LRRTM4: variants seen among roughly 807,000 people sequenced by gnomAD.
LRRTM4 encodes leucine-rich repeat transmembrane neuronal protein 4.
LRRTM4 carries 25 observed loss-of-function variants against 47.6 expected under a neutral mutation model. The ratio of observed to expected loss-of-function variants is 0.53; its 90% CI spans 0.38 to 0.73. The LOEUF (loss-of-function observed/expected upper bound fraction) is 0.73, where lower values mean the gene tolerates loss of function less well. LRRTM4 is among the 30% of genes least tolerant of loss of function. The pLI, the probability that LRRTM4 is intolerant of heterozygous loss-of-function variation, is 0.00. For missense variants in LRRTM4, 638 were observed against 713.4 expected (o/e 0.89, Z 1.20); for synonymous variants, 311 against 269.5 (o/e 1.15, Z -1.51).
At chr2:77,450,569 A>G (rs1403952334) in intron 3 of LRRTM4, among the ~76,000 whole-genome samples, 3 of 152,190 alleles carry the variant, frequency 2.0e-5, no homozygotes, top group Admixed American at 2.0e-4. Flanking sequence ...ACACCTAAGA[A>G]TTTAATAGGA....
intron 3 of LRRTM4, among the ~76,000 whole-genome samples, chr2:77,489,719 T>A (rs563130489): frequency 6.6e-6 from 1 of 152,300 alleles, no homozygotes; most frequent in Non-Finnish European, 1.5e-5. Context: ...ACAAAACCCA[T>A]TATTACAAAA....
chr2:76,895,121 TC>T (rs1396628025), intron 3 of LRRTM4, among the ~76,000 whole-genome samples: 4 of 152,110 alleles, frequency 2.6e-5, no homozygotes, highest in African/African-American at 9.6e-5. Context: ...TAGGTATTCT[TC>T]CATTAAAAAT....
intron 3 of LRRTM4, among the ~76,000 whole-genome samples, chr2:77,450,832 T>C (rs1676227581): frequency 6.6e-6 from 1 of 152,142 alleles, no homozygotes; most frequent in East Asian, 1.9e-4. Flanking sequence ...ATCTATTTTA[T>C]ATATATATGT....
intron 3 of LRRTM4, among the ~76,000 whole-genome samples, chr2:77,348,296 T>C (rs1389037173): frequency 2.0e-5 from 3 of 151,706 alleles, no homozygotes; most frequent in Admixed American, 1.3e-4. Context: ...GTTTTCATAA[T>C]ACAATACAAT....
chr2:76,830,348 T>A (rs1671311618), intron 3 of LRRTM4, among the ~76,000 whole-genome samples: 1 of 152,102 alleles, frequency 6.6e-6, no homozygotes, highest in African/African-American at 2.4e-5. Flanking sequence ...TACACTTTTT[T>A]AATCTGGTTA....
chr2:76,919,781 C>G (rs1674376764), intron 3 of LRRTM4, among the ~76,000 whole-genome samples: 1 of 152,106 alleles, frequency 6.6e-6, no homozygotes, highest in South Asian at 2.1e-4. Context: ...CACATTATAG[C>G]ATACAAATAA....
chr2:77,295,346 TC>T (rs894846349), intron 3 of LRRTM4, among the ~76,000 whole-genome samples: 2 of 152,168 alleles, frequency 1.3e-5, no homozygotes, highest in African/African-American at 2.4e-5. Flanking sequence ...TTATAATATT[TC>T]TTACAAAGTT....
intron 3 of LRRTM4, among the ~76,000 whole-genome samples, chr2:77,119,200 C>T (rs1181813449): frequency 6.6e-6 from 1 of 151,878 alleles, no homozygotes; most frequent in Non-Finnish European, 1.5e-5. Context: ...CCCCCATCCC[C>T]ACTCTAACTT....
intron 3 of LRRTM4, among the ~76,000 whole-genome samples, chr2:77,408,601 C>A (rs924931048): frequency 6.6e-6 from 1 of 152,162 alleles, no homozygotes; most frequent in Non-Finnish European, 1.5e-5. Flanking sequence ...AACTGGACCA[C>A]TGACTGCTAT....
In LRRTM4 at chr2:77,404,770, T is replaced by C. The variant is rs148858790; in HGVS notation, c.1551+113548A>G. 9.7e-3 allele frequency among the ~76,000 whole-genome samples: 1,481 copies of C among 152,222 alleles called. 25 individuals carry two copies. The highest frequency in any genetic ancestry group is 0.033 in the African/African-American group (1,387 of 41,562). On this transcript the variant is annotated intron_variant, in intron 3 of 3. Transcript: ENST00000409884. ...TAAGCCATAGCCAGATTCAGTTAAC[T>C]CAACACATTATTTGATCCGCCTATA...
rs558771801 is a variant in LRRTM4, at chr2:77,172,612, T to A, written c.1551+345706A>T. On this transcript the variant is annotated intron_variant, in intron 3 of 3. Coordinates refer to ENST00000409884, the MANE Select transcript of LRRTM4 (RefSeq NM_001134745.3). ...CGTCTCAAAAACATAAAAAAAAAAATAAAAATAAATAAATAAAGTGCTAAA... is the reference window on the plus strand; with the variant it reads ...CGTCTCAAAAACATAAAAAAAAAAAAAAAAATAAATAAATAAAGTGCTAAA... Among the ~76,000 whole-genome samples, 1,355 of 150,754 alleles carry A rather than the reference T, an allele frequency of 9.0e-3. 13 individuals are homozygous for A. Among genetic ancestry groups the A allele is most frequent in the African/African-American group, 0.031 (1,255 of 40,524 alleles).
At chr2:77,042,037 T>C (rs1208126394) in intron 3 of LRRTM4, among the ~76,000 whole-genome samples, 1 of 151,436 alleles carries the variant, frequency 6.6e-6, no homozygotes, top group Non-Finnish European at 1.5e-5. Context: ...ATGCAATGTG[T>C]AATTCAATAT....
intron 3 of LRRTM4, among the ~76,000 whole-genome samples, chr2:76,894,245 A>G (rs1179657704): frequency 1.3e-5 from 2 of 152,054 alleles, no homozygotes; most frequent in Non-Finnish European, 2.9e-5. Context: ...GCATTCATGC[A>G]CATGCTAGAA....
intron 3 of LRRTM4, among the ~76,000 whole-genome samples, chr2:77,191,109 T>A (rs1344517705): frequency 6.6e-6 from 1 of 152,144 alleles, no homozygotes; most frequent in Non-Finnish European, 1.5e-5. Flanking sequence ...TGTAAGTTTT[T>A]AAAAACATGA....
At chr2:77,497,955 G>A (rs1678424667) in intron 3 of LRRTM4, among the ~76,000 whole-genome samples, 1 of 151,666 alleles carries the variant, frequency 6.6e-6, no homozygotes, top group Non-Finnish European at 1.5e-5. Context: ...ATCTTACAAA[G>A]TAATAAGAGA....
chr2:77,435,299 T>G (rs1464551534), intron 3 of LRRTM4, among the ~76,000 whole-genome samples: 1 of 152,158 alleles, frequency 6.6e-6, no homozygotes, highest in African/African-American at 2.4e-5. Context: ...GTTGAAGACT[T>G]GAATCCAACT....
intron 3 of LRRTM4, among the ~76,000 whole-genome samples, chr2:77,253,809 A>T (rs1458546348): frequency 6.8e-6 from 1 of 147,370 alleles, no homozygotes; most frequent in Admixed American, 6.6e-5. Context: ...AATTTTATGC[A>T]ATCTGAACAA....
chr2:76,792,019 C>A (rs1315891363), intron 3 of LRRTM4, among the ~76,000 whole-genome samples: 1 of 152,040 alleles, frequency 6.6e-6, no homozygotes, highest in Non-Finnish European at 1.5e-5. Flanking sequence ...TTATATTGTT[C>A]CATTTCAGAA....
intron 3 of LRRTM4, among the ~76,000 whole-genome samples, chr2:76,947,754 T>TTA (rs556350040): frequency 6.6e-6 from 1 of 152,026 alleles, no homozygotes; most frequent in South Asian, 2.1e-4. Flanking sequence ...AGCAGTATGG[T>TTA]TAATACAATA....
Sources: gnomAD v4.1 joint callset for allele counts (sites outside exome capture counted in the v4.1 genomes callset) on GRCh38, gnomAD v4.1.1 for gene constraint, MANE v1.5 for transcripts, NCBI Gene and HGNC (gene_info 2026-07-23, HGNC 2026-07-21) for gene names.